SEMA5A: variants seen among roughly 807,000 people sequenced by gnomAD.
The protein encoded by SEMA5A is semaphorin-5A.
In SEMA5A, 55 loss-of-function variants were observed where a neutral mutation model predicts 135.5. The ratio of observed to expected loss-of-function variants is 0.41; its 90% CI spans 0.33 to 0.51. The LOEUF (loss-of-function observed/expected upper bound fraction) is 0.51. SEMA5A is among the 20% of genes least tolerant of loss of function. The pLI, the probability that SEMA5A is intolerant of heterozygous loss-of-function variation, is 0.37. For missense variants in SEMA5A, 1,290 were observed against 1,419.9 expected (o/e 0.91, Z 1.47); for synonymous variants, 580 against 546.5 (o/e 1.06, Z -0.85).
At chr5:9,201,863 A>G (rs1319027348) in intron 9 of SEMA5A, 92 bp downstream of exon 9, 1 of 1,258,114 alleles carries the variant, frequency 7.9e-7, no homozygotes, top group African/African-American at 1.5e-5. Context: ...GATTTTCTCT[A>G]AAGTAAATTT....
chr5:9,123,258 CAAAAAAAAAAAAAAAAAAAAAAAAA>C (rs57533658), intron 13 of SEMA5A, among the ~76,000 whole-genome samples: 2 of 38,926 alleles, frequency 5.1e-5, no homozygotes, highest in East Asian at 5.9e-4. Flanking sequence ...GACTCCGCCT[CAAAAAAAAAAAAAAAAAAAAAAAAA>C]AAAAAAAAAA....
intron 1 of SEMA5A, among the ~76,000 whole-genome samples, chr5:9,480,788 C>T (rs1252796888): frequency 2.6e-5 from 4 of 152,098 alleles, no homozygotes; most frequent in Non-Finnish European, 4.4e-5. Context: ...TGTTCCTGCC[C>T]TAACTTTCCA....
At chr5:9,096,035 G>A (rs542692893) in intron 16 of SEMA5A, among the ~76,000 whole-genome samples, 7 of 152,284 alleles carry the variant, frequency 4.6e-5, no homozygotes, top group South Asian at 2.1e-4. Flanking sequence ...CCCAGAAGAC[G>A]GCTAGTAGGG....
chr5:9,288,907 C>A (rs1750930759), intron 5 of SEMA5A, among the ~76,000 whole-genome samples: 1 of 152,152 alleles, frequency 6.6e-6, no homozygotes, highest in Non-Finnish European at 1.5e-5. Flanking sequence ...TTTACCTCAT[C>A]CTTCAAACAA....
At chr5:9,430,312 C>T (rs890553245) in intron 2 of SEMA5A, among the ~76,000 whole-genome samples, 1 of 152,144 alleles carries the variant, frequency 6.6e-6, no homozygotes, top group African/African-American at 2.4e-5. Context: ...ATAAATTAGA[C>T]ATCCAGTTGT....
intron 3 of SEMA5A, among the ~76,000 whole-genome samples, chr5:9,360,043 C>T (rs978441101): frequency 9.2e-5 from 14 of 152,144 alleles, no homozygotes; most frequent in Non-Finnish European, 1.8e-4. Flanking sequence ...TCAAGATAAA[C>T]AAGAATTTCA....
Position 9,280,087 on chromosome 5 carries a change from A to AT in SEMA5A, c.270+38284dup, listed in dbSNP as rs1299734819. On this transcript the variant is annotated intron_variant, in intron 5 of 22. Coordinates refer to ENST00000382496, the MANE Select transcript of SEMA5A (RefSeq NM_003966.3). ...TTTAGAGCAATTTCTTTTAACATGTATTTTTTCTTGGAGGAATTCCATCCT... is the reference window on the plus strand; with the variant it reads ...TTTAGAGCAATTTCTTTTAACATGTATTTTTTTCTTGGAGGAATTCCATCCT... Among the ~76,000 whole-genome samples the AT allele has an allele frequency of 5.3e-5, 8 of 152,170 alleles. No individual in the cohort carries two copies. The Middle Eastern group carries it at 0.014, about 259-fold the overall frequency.
At chr5:9,273,561 A>C (rs1030277749) in intron 5 of SEMA5A, among the ~76,000 whole-genome samples, 2 of 149,074 alleles carry the variant, frequency 1.3e-5, no homozygotes. Context: ...GTCAAAATGA[A>C]GGAAAAAATA....
At chr5:9,249,786 A>G (rs1748678842) in intron 5 of SEMA5A, among the ~76,000 whole-genome samples, 1 of 152,170 alleles carries the variant, frequency 6.6e-6, no homozygotes, top group Non-Finnish European at 1.5e-5. Flanking sequence ...CTGGATCTTG[A>G]AGCAATTGAC....
intron 1 of SEMA5A, among the ~76,000 whole-genome samples, chr5:9,482,704 C>T (rs748168685): frequency 4.6e-5 from 7 of 152,316 alleles, no homozygotes; most frequent in Middle Eastern, 3.4e-3. Flanking sequence ...CAGGGAGACA[C>T]GCACACAATT....
chr5:9,133,207 T>A (rs1321483842), intron 13 of SEMA5A, among the ~76,000 whole-genome samples: 2 of 152,228 alleles, frequency 1.3e-5, no homozygotes, highest in Non-Finnish European at 2.9e-5. Context: ...ATAGTTTTTT[T>A]AAATACCTAA....
Position 9,117,921 on chromosome 5 carries a change from A to T in SEMA5A, c.1925+1077T>A, listed in dbSNP as rs556790937. Among the ~76,000 whole-genome samples the T allele has an allele frequency of 5.3e-5, 8 of 152,332 alleles. No individual in the cohort carries two copies. In the East Asian group the frequency reaches 1.2e-3, roughly 22 times the overall value. On this transcript the variant is annotated intron_variant, in intron 15 of 22. Coordinates refer to ENST00000382496, the MANE Select transcript of SEMA5A (RefSeq NM_003966.3). ...TGACACACCCTGCTTGGTAAAAATC[A>T]TCTTCATTTCCTGTTAGTCAAAAGG...
intron 1 of SEMA5A, among the ~76,000 whole-genome samples, chr5:9,472,134 A>G (rs914846525): frequency 6.6e-6 from 1 of 152,186 alleles, no homozygotes; most frequent in Non-Finnish European, 1.5e-5. Flanking sequence ...GCTATTGACT[A>G]TTGACTCATT....
intron 11 of SEMA5A, among the ~76,000 whole-genome samples, chr5:9,178,480 T>A (rs1361116529): frequency 1.3e-5 from 2 of 151,974 alleles, no homozygotes; most frequent in Non-Finnish European, 2.9e-5. Context: ...CACAGGCACA[T>A]GCCCCCACAC....
chr5:9,199,962 A>G (rs1388011186), intron 9 of SEMA5A, among the ~76,000 whole-genome samples: 1 of 152,224 alleles, frequency 6.6e-6, no homozygotes, highest in Non-Finnish European at 1.5e-5. Flanking sequence ...TGACGAATGT[A>G]CAGAGGCAAA....
chr5:9,356,447 G>A (rs1754451020), intron 3 of SEMA5A, among the ~76,000 whole-genome samples: 1 of 152,018 alleles, frequency 6.6e-6, no homozygotes, highest in African/African-American at 2.4e-5. Context: ...GAGGTGGAGT[G>A]GGCCAACTTG....
At chr5:9,165,784 C>T (rs935628423) in intron 11 of SEMA5A, among the ~76,000 whole-genome samples, 8 of 152,138 alleles carry the variant, frequency 5.3e-5, no homozygotes, top group African/African-American at 1.2e-4. Context: ...CTGGGCAGCT[C>T]GTCACCATGG....
intron 16 of SEMA5A, 41 bp downstream of exon 16, chr5:9,108,099 G>C: frequency 6.2e-7 from 1 of 1,601,242 alleles, no homozygotes; most frequent in African/African-American, 1.3e-5. Flanking sequence ...TGTATTCCTG[G>C]TTCTGGATTG....
chr5:9,187,164 T>C (rs892208658), intron 11 of SEMA5A, among the ~76,000 whole-genome samples: 1 of 152,138 alleles, frequency 6.6e-6, no homozygotes, highest in Non-Finnish European at 1.5e-5. Flanking sequence ...ATGTATATTA[T>C]TATACCTTCC....
Sources: gnomAD v4.1 joint callset for allele counts (sites outside exome capture counted in the v4.1 genomes callset) on GRCh38, gnomAD v4.1.1 for gene constraint, MANE v1.5 for transcripts, NCBI Gene and HGNC (gene_info 2026-07-23, HGNC 2026-07-21) for gene names.